IKZF3: variants seen among roughly 807,000 people sequenced by gnomAD.
The protein encoded by IKZF3 is IKAROS family zinc finger 3.
In IKZF3, 10 loss-of-function variants were observed where a neutral mutation model predicts 49.0. That is an observed-to-expected ratio of 0.20 (90% CI 0.13 to 0.35). The LOEUF (loss-of-function observed/expected upper bound fraction) is 0.35. Among genes scored for constraint, IKZF3 ranks in the 10% least tolerant of loss-of-function variants. The pLI, the probability that IKZF3 is intolerant of heterozygous loss-of-function variation, is 1.00. For synonymous variants in IKZF3, 209 were observed against 228.2 expected, an observed-to-expected ratio of 0.92 and a Z score of 0.76; for missense variants, 498 against 664.8, an observed-to-expected ratio of 0.75 and a Z score of 2.76.
Position 39,864,251 on chromosome 17 carries a change from G to C in IKZF3, c.-125C>G, listed in dbSNP as rs559444034. The C allele has an allele frequency of 7.5e-5, 85 of 1,140,088 alleles. No homozygotes were observed. The African/African-American group carries it at 9.7e-4, about 13-fold the overall frequency. 70.6% of individuals were successfully genotyped at this position (1,140,088 alleles called of 1,614,324 possible). A position where few individuals can be genotyped will look rare whatever the true frequency, so the allele number is the denominator to read the frequency against. On this transcript the variant is annotated 5_prime_UTR_variant, in exon 1 of 8. Transcript: ENST00000346872. Reference sequence around the variant, plus strand: ...CCGGCGCGGGGAGTCCCCGGGATCCGGCAGCCGCGTCGGCGCAGACTGAAA... The same window carrying C: ...CCGGCGCGGGGAGTCCCCGGGATCCCGCAGCCGCGTCGGCGCAGACTGAAA...
intron 3 of IKZF3, among the ~76,000 whole-genome samples, chr17:39,825,698 G>C (rs2061937767): frequency 6.6e-6 from 1 of 152,122 alleles, no homozygotes; most frequent in South Asian, 2.1e-4. Context: ...CATTTGAGGG[G>C]AAATTATTAG....
chr17:39,817,093 T>C (rs1207766358), intron 3 of IKZF3, among the ~76,000 whole-genome samples: 2 of 152,204 alleles, frequency 1.3e-5, no homozygotes, highest in Admixed American at 6.5e-5. Context: ...TAAAGCCTTT[T>C]CCCCTAGAAA....
At chr17:39,856,000 G>A (rs918626473) in intron 1 of IKZF3, among the ~76,000 whole-genome samples, 2 of 148,212 alleles carry the variant, frequency 1.3e-5, no homozygotes, top group Non-Finnish European at 1.5e-5. Context: ...TATTGTATAT[G>A]TACAATATAA....
At chr17:39,811,235 TGAAA>T (rs71152603) in intron 3 of IKZF3, among the ~76,000 whole-genome samples, 2 of 141,330 alleles carry the variant, frequency 1.4e-5, no homozygotes, top group Admixed American at 1.5e-4. Context: ...AGACCCTGTC[TGAAA>T]GAAAGAAAGA....
chr17:39,800,719 G>A (rs1414314310), intron 3 of IKZF3, among the ~76,000 whole-genome samples: 3 of 152,156 alleles, frequency 2.0e-5, no homozygotes, highest in Admixed American at 2.0e-4. Context: ...CACTGGGGCT[G>A]ATGCACATGG....
At chr17:39,789,012 G>A (rs1031128317) in intron 5 of IKZF3, among the ~76,000 whole-genome samples, 1 of 152,110 alleles carries the variant, frequency 6.6e-6, no homozygotes, top group African/African-American at 2.4e-5. Context: ...ATCACAGCTC[G>A]CTACAGCCCC....
intron 7 of IKZF3, among the ~76,000 whole-genome samples, chr17:39,768,972 G>A (rs1357376913): frequency 6.6e-6 from 1 of 152,166 alleles, no homozygotes; most frequent in Non-Finnish European, 1.5e-5. Flanking sequence ...TACCAAGTGT[G>A]AGATTAGTGT....
rs1340658950 is a variant in IKZF3 at position 39,761,097 on chromosome 17, T to A, written c.*4693A>T. The A allele has an allele frequency of 6.6e-6, 1 of 151,552 alleles. No homozygotes were observed. Among genetic ancestry groups the A allele is most frequent in the African/African-American group, 2.4e-5 (1 of 41,250 alleles). The allele number at this position is 151,552 out of a possible 1,614,324, so 9.4% of individuals were successfully genotyped here. ...GAGCCTAGGAGATCAAAATCTGAGG[T>A]CATTTTATATCTGGCCGATTTTGAG... is the stretch of plus-strand genomic sequence containing the variant. On this transcript the variant is annotated 3_prime_UTR_variant, in exon 8 of 8. Coordinates refer to ENST00000346872, the MANE Select transcript of IKZF3 (RefSeq NM_012481.5).
At chr17:39,818,017 T>C (rs1292059343) in intron 3 of IKZF3, among the ~76,000 whole-genome samples, 1 of 152,220 alleles carries the variant, frequency 6.6e-6, no homozygotes, top group Non-Finnish European at 1.5e-5. Context: ...ACTGTATTTA[T>C]ACAAACCTAG....
In IKZF3 at chr17:39,761,581, A is replaced by ATATATAC. The variant is rs1567944278; in HGVS notation, c.*4208_*4209insGTATATA. Reference sequence around the variant, plus strand: ...ATACATACATATATATACATATACAAAAAAAATAAAAATAAATTAAAAAAT... The same window carrying ATATATAC: ...ATACATACATATATATACATATACAATATATACAAAAAATAAAAATAAATTAAAAAAT... On this transcript the variant is annotated 3_prime_UTR_variant, in exon 8 of 8. Coordinates refer to ENST00000346872, the MANE Select transcript of IKZF3 (RefSeq NM_012481.5). The ATATATAC allele has an allele frequency of 2.7e-5, 4 of 146,946 alleles. No individual in the cohort carries two copies. The highest frequency in any genetic ancestry group is 1.1e-4 in the African/African-American group (4 of 37,716). 9.1% of individuals were successfully genotyped at this position (146,946 alleles called of 1,614,324 possible).
chr17:39,858,432 G>A (rs568963862), intron 1 of IKZF3, among the ~76,000 whole-genome samples: 1 of 152,306 alleles, frequency 6.6e-6, no homozygotes, highest in East Asian at 1.9e-4. Flanking sequence ...AAATCACTCA[G>A]TAAGCTGATT....
chr17:39,841,604 C>A (rs140092408), intron 1 of IKZF3, among the ~76,000 whole-genome samples: 23 of 152,162 alleles, frequency 1.5e-4, no homozygotes, highest in Non-Finnish European at 3.2e-4. Flanking sequence ...GGTTGTATTA[C>A]ATAGTGGAGG....
chr17:39,828,381 C>T (rs552815157), intron 3 of IKZF3, among the ~76,000 whole-genome samples: 1 of 152,318 alleles, frequency 6.6e-6, no homozygotes, highest in African/African-American at 2.4e-5. Context: ...TGCCTACGAT[C>T]TAGACCAGTG....
intron 6 of IKZF3, among the ~76,000 whole-genome samples, chr17:39,778,957 C>A (rs900116434): frequency 6.6e-6 from 1 of 152,260 alleles, no homozygotes; most frequent in Non-Finnish European, 1.5e-5. Context: ...ATGCCCAGGC[C>A]CCCCTTCAGA....
intron 1 of IKZF3, among the ~76,000 whole-genome samples, chr17:39,839,098 T>C (rs761809585): frequency 2.6e-5 from 4 of 152,176 alleles, no homozygotes; most frequent in Admixed American, 6.5e-5. Flanking sequence ...CCCAAAGAGC[T>C]GGGATTATAG....
intron 3 of IKZF3, among the ~76,000 whole-genome samples, chr17:39,801,781 A>T (rs535264940): frequency 6.6e-6 from 1 of 152,248 alleles, no homozygotes; most frequent in African/African-American, 2.4e-5. Flanking sequence ...TAAAGCTTCA[A>T]TGCAAACTAA....
intron 1 of IKZF3, among the ~76,000 whole-genome samples, chr17:39,850,693 A>G (rs1467316161): frequency 1.5e-4 from 18 of 123,334 alleles, no homozygotes; most frequent in African/African-American, 5.1e-4. Flanking sequence ...CACATATTAT[A>G]TATACATTAT....
chr17:39,766,472 T>G lies in IKZF3; in HGVS notation c.848A>C (p.Asp283Ala). ...KFIGEKRHCF[D>A]VNYNSSYMYE... ...CATGTAACTTGAATTATAGTTGACA[T>G]CAAAGCAGTGGCGCTTCTCACCTGG... is the stretch of plus-strand genomic sequence containing the variant. The change falls in exon 8 of 8, where the codon GAT becomes GCT. Residue 283 changes from aspartate (D) to alanine (A), a missense_variant. Physicochemically the swap from Asp to Ala is moderately radical, Grantham distance 126. This residue lies in a region of IKZF3 where 317 missense variants were observed against 397.3 expected (regional missense o/e 0.80). Transcript: ENST00000346872. The G allele has an allele frequency of 1.2e-6, 2 of 1,611,232 alleles. No individual in the cohort carries two copies. Among genetic ancestry groups the G allele is most frequent in the Non-Finnish European group, 1.7e-6 (2 of 1,178,880 alleles).
At chr17:39,789,195 C>T (rs1489398456) in intron 5 of IKZF3, among the ~76,000 whole-genome samples, 2 of 152,062 alleles carry the variant, frequency 1.3e-5, no homozygotes, top group African/African-American at 4.8e-5. Flanking sequence ...TTTGGGAGGC[C>T]GAAGTGGGAG....
Sources: allele counts gnomAD v4.1 joint callset (sites outside exome capture counted in the v4.1 genomes callset), GRCh38; gene constraint gnomAD v4.1.1; regional missense constraint gnomAD v4.1.1; transcripts MANE v1.5; gene names NCBI Gene and HGNC (gene_info 2026-07-23, HGNC 2026-07-21).